The following SCNN1A variants were observed in gnomAD, a reference collection of about 807,000 sequenced individuals.
The protein encoded by SCNN1A is epithelial sodium channel subunit alpha.
Under a neutral mutation model 68.6 loss-of-function variants are expected in SCNN1A, and 65 were observed. The observed-to-expected ratio is 0.95, with a 90% CI of 0.78 to 1.16. SCNN1A has a LOEUF of 1.16. Among genes scored for constraint, SCNN1A ranks in the 50% most tolerant of loss-of-function variants. The probability of loss-of-function intolerance (pLI) is 0.00; values close to 1 mark genes in which losing one functional copy is unlikely to be tolerated. For synonymous variants in SCNN1A, 357 were observed against 353.3 expected (o/e 1.01, Z -0.12); for missense variants, 880 against 865.9 (o/e 1.02, Z -0.20).
chr12:6,350,380 C>A (rs1417441434), intron 8 of SCNN1A, among the ~76,000 whole-genome samples: 4 of 148,668 alleles, frequency 2.7e-5, no homozygotes, highest in Admixed American at 2.0e-4. Context: ...TGCAGTGAGC[C>A]GAGATCGCGC....
chr12:6,348,090 C>T lies in SCNN1A; in HGVS notation c.1793G>A (p.Gly598Glu), dbSNP rs756163525. The T allele has an allele frequency of 5.0e-6, 8 of 1,614,020 alleles. No homozygotes were observed. The highest frequency in any genetic ancestry group is 5.9e-6 in the Non-Finnish European group (7 of 1,180,026). Reference protein sequence around the residue: ...FRSRYWSPGRGGRGAQEVAST... With the variant: ...FRSRYWSPGREGRGAQEVAST... Reference sequence around the variant, plus strand: ...GGCTACCTCCTGAGCACCCCTGCCCCCTCGGCCTGGAGACCAGTATCGGCT... The same window carrying T: ...GGCTACCTCCTGAGCACCCCTGCCCTCTCGGCCTGGAGACCAGTATCGGCT... The change falls in exon 13 of 13, where the codon GGG (glycine) becomes GAG (glutamate). Residue 598 changes from glycine (G) to glutamate (E), a missense_variant. Coordinates refer to ENST00000228916, the MANE Select transcript of SCNN1A (RefSeq NM_001038.6).
chr12:6,357,195 T>TG (rs1261074486), intron 4 of SCNN1A, among the ~76,000 whole-genome samples: 1 of 151,914 alleles, frequency 6.6e-6, no homozygotes, highest in East Asian at 1.9e-4. Context: ...ACAAGTATAA[T>TG]GGTGGGTGCT....
At chr12:6,376,928 T>A (rs904705665), upstream of SCNN1A, among the ~76,000 whole-genome samples, 1 of 152,212 alleles carries the variant, frequency 6.6e-6, no homozygotes, top group East Asian at 1.9e-4. Flanking sequence ...AGGTTTCTAT[T>A]TGTACACTTT....
rs770835899 is a variant in SCNN1A, at chr12:6,363,432, G to GCGGGCCTCACCAGCTGGAAGC, written c.674_684+10dup. On this transcript the variant is annotated intron_variant, in intron 3 of 12. Coordinates refer to ENST00000228916, the MANE Select transcript of SCNN1A (RefSeq NM_001038.6). ...GGGGCGGGGCGGGCCCCTCGGCGCTGCGGGCCTCACCAGCTGGAAGCCGAT... is the reference window on the plus strand; with the variant it reads ...GGGGCGGGGCGGGCCCCTCGGCGCTGCGGGCCTCACCAGCTGGAAGCCGGGCCTCACCAGCTGGAAGCCGAT... The GCGGGCCTCACCAGCTGGAAGC allele has an allele frequency of 5.2e-6, 8 of 1,544,872 alleles. No individual in the cohort carries two copies. Among genetic ancestry groups the GCGGGCCTCACCAGCTGGAAGC allele is most frequent in the South Asian group, 1.2e-5 (1 of 82,570 alleles).
chr12:6,353,508 G>A (rs1948425635), intron 8 of SCNN1A, among the ~76,000 whole-genome samples: 3 of 152,112 alleles, frequency 2.0e-5, no homozygotes, highest in Admixed American at 6.5e-5. Flanking sequence ...AGGAGCCATT[G>A]AGGAACCGCT....
chr12:6,347,693 A>G lies in SCNN1A; in HGVS notation c.*180T>C, dbSNP rs1045767188. 5.1e-5 allele frequency: 33 copies of G among 644,610 alleles called. No homozygotes were observed. The highest frequency in any genetic ancestry group is 2.5e-4 in the Admixed American group (11 of 43,184). 39.9% of individuals were successfully genotyped at this position (644,610 alleles called of 1,614,324 possible). A position where few individuals can be genotyped will look rare whatever the true frequency, so the allele number is the denominator to read the frequency against. Reference sequence around the variant, plus strand: ...AGCCAAGGCACTTCTGGGCAGCTTCATCAGCTACTGTTCTTGGAGCAACTT... The same window carrying G: ...AGCCAAGGCACTTCTGGGCAGCTTCGTCAGCTACTGTTCTTGGAGCAACTT... On this transcript the variant is annotated 3_prime_UTR_variant, in exon 13 of 13. Coordinates refer to ENST00000228916, the MANE Select transcript of SCNN1A (RefSeq NM_001038.6).
chr12:6,356,148 T>C, intron 4 of SCNN1A: 1 of 519,152 alleles, frequency 1.9e-6, no homozygotes, highest in Non-Finnish European at 3.5e-6. Context: ...CTCAAACAGC[T>C]GGCCCAAGGT....
chr12:6,349,363 T>C lies in SCNN1A; in HGVS notation c.1403A>G (p.His468Arg). Residue 468 changes from histidine (H) to arginine (R), a missense_variant, in exon 9 of 13, where the codon CAC becomes CGC. Physicochemically the swap from His to Arg is conservative, Grantham distance 29. Coordinates refer to ENST00000228916, the MANE Select transcript of SCNN1A (RefSeq NM_001038.6). ...CCGGCACTTGGTGAAACAGCCCAGG[T>C]GGTCTGAGGAGAAGTCAACCTGGAG... ...YKLQVDFSSD[H>R]LGCFTKCRKP... The C allele has an allele frequency of 1.2e-6, 2 of 1,610,934 alleles. No individual in the cohort carries two copies. Among genetic ancestry groups the C allele is most frequent in the Non-Finnish European group, 1.7e-6 (2 of 1,178,412 alleles).
chr12:6,359,079 A>G (rs1948542586), intron 4 of SCNN1A, among the ~76,000 whole-genome samples: 1 of 152,184 alleles, frequency 6.6e-6, no homozygotes, highest in Admixed American at 6.5e-5. Context: ...AGTGGCTCTC[A>G]GGGCTTGGAG....
At chr12:6,367,050 C>G (rs927208979) in intron 2 of SCNN1A, among the ~76,000 whole-genome samples, 1 of 152,112 alleles carries the variant, frequency 6.6e-6, no homozygotes, top group Non-Finnish European at 1.5e-5. Flanking sequence ...CCAGCCTGGG[C>G]AACACGACGA....
At chr12:6,373,279 GCA>G (rs906084237) in intron 2 of SCNN1A, among the ~76,000 whole-genome samples, 4 of 151,960 alleles carry the variant, frequency 2.6e-5, no homozygotes, top group East Asian at 1.9e-4. Context: ...ACCAATATGT[GCA>G]CACACACACT....
At chr12:6,362,300 G>T in intron 3 of SCNN1A, 59 bp from the exon 4 acceptor site, 2 of 1,451,994 alleles carry the variant, frequency 1.4e-6, no homozygotes, top group Non-Finnish European at 1.9e-6. Flanking sequence ...CCCTTGGCAG[G>T]GCCAAGGGCA....
chr12:6,362,160 A>C lies in SCNN1A; in HGVS notation c.766T>G (p.Tyr256Asp). Residue 256 changes from tyrosine to aspartate, a missense_variant, in exon 4 of 13, where the codon TAC becomes GAC. By Grantham distance (160) the Tyr-to-Asp change is radical (BLOSUM62 -3). Transcript: ENST00000228916. ...DAVREWYRFH[Y>D]INILSRLPET... ...GGCAGCCTCGACAGGATGTTGATGTAGTGGAAGCGGTACCACTCCCTCACC... is the reference window on the plus strand; with the variant it reads ...GGCAGCCTCGACAGGATGTTGATGTCGTGGAAGCGGTACCACTCCCTCACC... 6.2e-7 allele frequency: 1 copy of C among 1,614,178 alleles called. No individual in the cohort carries two copies. Among genetic ancestry groups the C allele is most frequent in the African/African-American group, 1.3e-5 (1 of 75,062 alleles).
rs72657549 is a variant in SCNN1A at position 6,348,728 on chromosome 12, G to A, written c.1628C>T (p.Thr543Met). 14 of 1,612,514 alleles carry A rather than the reference G, an allele frequency of 8.7e-6. No homozygotes were observed. The highest frequency in any genetic ancestry group is 2.7e-5 in the African/African-American group (2 of 74,578). ...YKTNSESPSV[T>M]MVTLLSNLGS... ...AGGCTCCATCCAGGCACGACCTACC[G>A]TGACAGAGGGAGACTCAGAATTGGT... Residue 543 changes from threonine to methionine, a missense_variant and splice_region_variant, in exon 12 of 13, where the codon ACG becomes ATG. Coordinates refer to ENST00000228916, the MANE Select transcript of SCNN1A (RefSeq NM_001038.6).
At chr12:6,355,196 C>T (rs1406215131) in intron 6 of SCNN1A, 76 bp downstream of exon 6, 1 of 1,519,354 alleles carries the variant, frequency 6.6e-7, no homozygotes, top group Non-Finnish European at 9.0e-7. Context: ...CTCTCCCTCT[C>T]CAGCCTCCCA....
In SCNN1A at chr12:6,374,675, C is replaced by T; in HGVS notation, c.109G>A (p.Ala37Thr). Reference sequence around the variant, plus strand: ...TCCTCCGCCGTGGGCTGCTGGGGCGCCGCAGGTTCGGGGCCCAGCCCCTGC... The same window carrying T: ...TCCTCCGCCGTGGGCTGCTGGGGCGTCGCAGGTTCGGGGCCCAGCCCCTGC... Reference protein sequence around the residue: ...EEQGLGPEPAAPQQPTAEEEA... With the variant: ...EEQGLGPEPATPQQPTAEEEA... The change falls in exon 2 of 13, where the codon GCG (alanine) becomes ACG (threonine). Residue 37 changes from alanine to threonine, a missense_variant. Coordinates refer to ENST00000228916, the MANE Select transcript of SCNN1A (RefSeq NM_001038.6). This position sits in a 1 kb window ranked among gnomAD's most constrained non-coding sequence, Gnocchi z 6.2. 6.2e-7 allele frequency: 1 copy of T among 1,613,882 alleles called. No individual in the cohort carries two copies. Among genetic ancestry groups the T allele is most frequent in the Non-Finnish European group, 8.5e-7 (1 of 1,179,904 alleles).
chr12:6,356,750 C>T (rs1948504632), intron 4 of SCNN1A, among the ~76,000 whole-genome samples: 1 of 152,142 alleles, frequency 6.6e-6, no homozygotes. Context: ...CCACACGGCA[C>T]AGAGAGGATC....
At position 6,363,585 on chromosome 12, in the gene SCNN1A, C is replaced by G; in HGVS notation, c.542G>C (p.Arg181Pro). ...VAGSRSRRDL[R>P]GTLPHPLQRL... is the part of the protein sequence containing the mutation. ...CTGCAAGGGGTGCGGCAGAGTCCCCCGCAGGTCGCGACGGCTGCGGGAGCC... is the reference window on the plus strand; with the variant it reads ...CTGCAAGGGGTGCGGCAGAGTCCCCGGCAGGTCGCGACGGCTGCGGGAGCC... The change falls in exon 3 of 13, where the codon CGG (arginine) becomes CCG (proline). Residue 181 changes from arginine to proline, a missense_variant. Physicochemically the swap from Arg to Pro is moderately radical, Grantham distance 103 (BLOSUM62 -2). Coordinates refer to ENST00000228916, the MANE Select transcript of SCNN1A (RefSeq NM_001038.6). 1 of 1,611,898 alleles carries G rather than the reference C, an allele frequency of 6.2e-7. No homozygotes were observed. Among genetic ancestry groups the G allele is most frequent in the Non-Finnish European group, 8.5e-7 (1 of 1,179,110 alleles).
At chr12:6,373,130 C>A (rs753230302) in intron 2 of SCNN1A, among the ~76,000 whole-genome samples, 1 of 149,854 alleles carries the variant, frequency 6.7e-6, no homozygotes, top group African/African-American at 2.5e-5. Flanking sequence ...AATGACCTGG[C>A]TTTTTTTTTT....
Sources: allele counts gnomAD v4.1 joint callset (sites outside exome capture counted in the v4.1 genomes callset), GRCh38; gene constraint gnomAD v4.1.1; non-coding constraint Gnocchi (gnomAD v3.1); transcripts MANE v1.5; gene names NCBI Gene and HGNC (gene_info 2026-07-23, HGNC 2026-07-21).